The following NCLN variants were observed in gnomAD, a reference collection of about 807,000 sequenced individuals.
NCLN encodes nicalin, also known as BOS complex subunit NCLN.
NCLN carries 34 observed loss-of-function variants against 69.5 expected under a neutral mutation model. That is an observed-to-expected ratio of 0.49 (90% confidence interval 0.37 to 0.65). The LOEUF (loss-of-function observed/expected upper bound fraction) is 0.65, where lower values mean the gene tolerates loss of function less well. Ranked by LOEUF, NCLN falls within the 30% of genes least tolerant of loss-of-function variation. The pLI is 0.00. For synonymous variants in NCLN, 393 were observed against 358.3 expected (o/e 1.10, Z -1.09); for missense variants, 710 against 804.8 (o/e 0.88, Z 1.42).
At chr19:3,195,093 G>C (rs1417694632) in intron 3 of NCLN, among the ~76,000 whole-genome samples, 1 of 151,160 alleles carries the variant, frequency 6.6e-6, no homozygotes, top group African/African-American at 2.4e-5. Flanking sequence ...AAGATCACTT[G>C]AACCCTTGAA....
intron 1 of NCLN, among the ~76,000 whole-genome samples, 174 bp from the exon 2 acceptor site, chr19:3,192,296 C>T (rs1226188662): frequency 3.2e-5 from 4 of 125,032 alleles, no homozygotes; most frequent in East Asian, 2.8e-4. Context: ...CCCTGTGACC[C>T]GTTATGTCGG....
At chr19:3,186,601 G>T (rs1915677589) in intron 1 of NCLN, among the ~76,000 whole-genome samples, 2 of 152,152 alleles carry the variant, frequency 1.3e-5, no homozygotes, top group Non-Finnish European at 2.9e-5. Flanking sequence ...AGGCTTCCTG[G>T]TCCGGGCTCA....
At position 3,192,674 on chromosome 19, in the gene NCLN, C is replaced by T. The variant is rs763635427; in HGVS notation, c.375+14C>T. 14 of 1,518,722 alleles carry T rather than the reference C, an allele frequency of 9.2e-6. No individual in the cohort carries two copies. Among genetic ancestry groups the T allele is most frequent in the African/African-American group, 1.4e-5 (1 of 70,780 alleles). The allele number at this position is 1,518,722 out of a possible 1,614,324, so 94.1% of individuals were successfully genotyped here. ...GACGTCGTCCGGGTGAGCGTCTGCC[C>T]TGCCCCGCCCGGCTCAGGTCCAGAG... is the stretch of plus-strand genomic sequence containing the variant. On this transcript the variant is annotated intron_variant, in intron 2 of 14. Coordinates refer to ENST00000246117, the MANE Select transcript of NCLN (RefSeq NM_020170.4).
In NCLN at chr19:3,204,622, G is replaced by A; in HGVS notation, c.1079G>A (p.Arg360Gln). ...PEVRFSMVHK[R>Q]INLAEDVLAW... Reference sequence around the variant, plus strand: ...GTACGGTTCTCCATGGTGCACAAGCGGATCAACCTGGCGGAGGACGTGCTG... The same window carrying A: ...GTACGGTTCTCCATGGTGCACAAGCAGATCAACCTGGCGGAGGACGTGCTG... The change falls in exon 9 of 15, where the codon CGG (arginine) becomes CAG (glutamine). Residue 360 changes from arginine to glutamine, a missense_variant. Coordinates refer to ENST00000246117, the MANE Select transcript of NCLN (RefSeq NM_020170.4). 1.9e-6 allele frequency: 3 copies of A among 1,603,458 alleles called. No individual in the cohort carries two copies. Among genetic ancestry groups the A allele is most frequent in the Non-Finnish European group, 2.6e-6 (3 of 1,175,398 alleles).
intron 1 of NCLN, among the ~76,000 whole-genome samples, chr19:3,186,629 G>T (rs1915678338): frequency 6.6e-6 from 1 of 152,188 alleles, no homozygotes; most frequent in African/African-American, 2.4e-5. Flanking sequence ...AGACGCTCCC[G>T]TCCTGACCTC....
At chr19:3,192,683 C>G (rs1416010158) in intron 2 of NCLN, 23 bp downstream of exon 2, 18 of 1,507,590 alleles carry the variant, frequency 1.2e-5, no homozygotes, top group Non-Finnish European at 1.5e-5. Flanking sequence ...CCTGCCCCGC[C>G]CGGCTCAGGT....
At chr19:3,196,592 C>G (rs528130676) in intron 4 of NCLN, among the ~76,000 whole-genome samples, 1 of 152,248 alleles carries the variant, frequency 6.6e-6, no homozygotes, top group African/African-American at 2.4e-5. Flanking sequence ...GGCTGCCCCT[C>G]CCAGGAAGCC....
rs772569041 is a variant in NCLN, at chr19:3,198,870, C to A, written c.669C>A (p.Ala223=). The A allele has an allele frequency of 7.0e-6, 11 of 1,561,376 alleles. No individual in the cohort carries two copies. The African/African-American group carries it at 1.1e-4, about 16-fold the overall frequency. ...ACCTTCCCACCATCGTCATCGTGGCCCACTACGACGCCTTTGGAGTGGCCC... is the reference window on the plus strand; with the variant it reads ...ACCTTCCCACCATCGTCATCGTGGCACACTACGACGCCTTTGGAGTGGCCC... ...GEDLPTIVIV[A]HYDAFGVAPW... is the part of the protein sequence containing the mutation. Residue 223 remains alanine, a synonymous_variant, in exon 5 of 15, where the codon GCC becomes GCA. Coordinates refer to ENST00000246117, the MANE Select transcript of NCLN (RefSeq NM_020170.4).
chr19:3,196,318 G>A (rs778242409), intron 4 of NCLN, 41 bp downstream of exon 4: 1 of 1,430,654 alleles, frequency 7.0e-7, no homozygotes. Context: ...ACGTCCCCAG[G>A]GGTTCCTGCC....
chr19:3,203,961 C>A (rs903041661), intron 7 of NCLN, 44 bp from the exon 8 acceptor site: 2 of 1,542,870 alleles, frequency 1.3e-6, no homozygotes, highest in African/African-American at 1.4e-5. Context: ...CCGGGGGCCA[C>A]TTCCTGGTCC....
chr19:3,186,316 C>G, intron 1 of NCLN, 102 bp downstream of exon 1: 3 of 1,279,854 alleles, frequency 2.3e-6, no homozygotes, highest in South Asian at 1.7e-5. Flanking sequence ...CCTGGGCTGC[C>G]CGACCCATGC....
Position 3,186,072 on chromosome 19 carries a change from G to A in NCLN, c.42G>A (p.Lys14=), listed in dbSNP as rs1400508279. The change falls in exon 1 of 15, where the codon AAG becomes AAA. Residue 14 remains lysine, a synonymous_variant. Transcript: ENST00000246117. The part of the protein sequence containing the change: ...EAGEVLENML[K]ASCLPLGFIV... ...GCGAGGTGCTGGAGAACATGCTGAA[G>A]GCGTCTTGTCTGCCGCTCGGCTTCA... 1 of 1,597,778 alleles carries A rather than the reference G, an allele frequency of 6.3e-7. No individual in the cohort carries two copies. Among genetic ancestry groups the A allele is most frequent in the Non-Finnish European group, 8.5e-7 (1 of 1,174,286 alleles).
intron 4 of NCLN, among the ~76,000 whole-genome samples, chr19:3,198,497 A>C: frequency 7.0e-6 from 1 of 143,216 alleles, no homozygotes; most frequent in Non-Finnish European, 1.5e-5. Flanking sequence ...ACAGAGTGAG[A>C]TTCCGTCTCA....
rs1413513812 is a variant in NCLN, at chr19:3,206,285, C to T, written c.1359C>T (p.Asp453=). 1.3e-6 allele frequency: 2 copies of T among 1,547,698 alleles called. No individual in the cohort carries two copies. Among genetic ancestry groups the T allele is most frequent in the Non-Finnish European group, 1.7e-6 (2 of 1,146,742 alleles). ...EQMQIQQEQL[D]SVMDWLTNQP... Reference sequence around the variant, plus strand: ...AGCAGATCCAGCAGGAGCAGCTGGACTCGGTGATGGACTGGCTCACCAACC... The same window carrying T: ...AGCAGATCCAGCAGGAGCAGCTGGATTCGGTGATGGACTGGCTCACCAACC... The change falls in exon 12 of 15, where the codon GAC becomes GAT. Residue 453 remains aspartate, a synonymous_variant. Coordinates refer to ENST00000246117, the MANE Select transcript of NCLN (RefSeq NM_020170.4).
chr19:3,195,198 A>G (rs899431318), intron 3 of NCLN, among the ~76,000 whole-genome samples: 1 of 150,142 alleles, frequency 6.7e-6, no homozygotes, highest in African/African-American at 2.5e-5. Context: ...AAAAAAAATT[A>G]CAGAGAGTTC....
chr19:3,209,140 T>A lies in NCLN; in HGVS notation c.*1452T>A, dbSNP rs1599362482. 6.6e-6 allele frequency: 1 copy of A among 151,736 alleles called. No individual in the cohort carries two copies. Among genetic ancestry groups the A allele is most frequent in the Non-Finnish European group, 1.5e-5 (1 of 67,956 alleles). 9.4% of individuals were successfully genotyped at this position (151,736 alleles called of 1,614,324 possible). On this transcript the variant is annotated 3_prime_UTR_variant, in exon 15 of 15. Transcript: ENST00000246117. The stretch of plus-strand genomic sequence containing the variant: ...GTTCTGTCCAGATAGGACCAGGGGG[T>A]CTCACTTTGGCCACCAGTTCTTCGG...
Position 3,204,012 on chromosome 19 carries a change from C to T in NCLN, c.897C>T (p.Ser299=). The change falls in exon 8 of 15, where the codon AGC becomes AGT. Residue 299 remains serine, a synonymous_variant. Coordinates refer to ENST00000246117, the MANE Select transcript of NCLN (RefSeq NM_020170.4). ...GCTCTCGGTGTCCTGCAGACTCCAGCCTGCTTCAGGACAATGTGGCCTTCG... is the reference window on the plus strand; with the variant it reads ...GCTCTCGGTGTCCTGCAGACTCCAGTCTGCTTCAGGACAATGTGGCCTTCG... ...LEDNLDHTDS[S]LLQDNVAFVL... is the part of the protein sequence containing the mutation. 1 of 1,569,960 alleles carries T rather than the reference C, an allele frequency of 6.4e-7. No individual in the cohort carries two copies. The highest frequency in any genetic ancestry group is 8.6e-7 in the Non-Finnish European group (1 of 1,157,730).
chr19:3,193,544 G>T, intron 3 of NCLN, 116 bp downstream of exon 3: 1 of 1,275,418 alleles, frequency 7.8e-7, no homozygotes, highest in East Asian at 2.6e-5. Context: ...GCATCCCTTC[G>T]CCGGGGTTAA....
At chr19:3,198,753 A>C in intron 4 of NCLN, 64 bp from the exon 5 acceptor site, 1 of 1,385,396 alleles carries the variant, frequency 7.2e-7, no homozygotes, top group Admixed American at 2.0e-5. Flanking sequence ...GGGGTCTCCA[A>C]GCCCCACACA....
Sources: gnomAD v4.1 joint callset for allele counts (sites outside exome capture counted in the v4.1 genomes callset) on GRCh38, gnomAD v4.1.1 for gene constraint, MANE v1.5 for transcripts, NCBI Gene and HGNC (gene_info 2026-07-23, HGNC 2026-07-21) for gene names.